The following NADK2 variants were observed in gnomAD, a reference collection of about 807,000 sequenced individuals.
The protein encoded by NADK2 is NAD kinase 2, mitochondrial.
Under a neutral mutation model 62.1 loss-of-function variants are expected in NADK2, and 35 were observed. That is an observed-to-expected ratio of 0.56 (90% CI 0.43 to 0.75). The LOEUF is 0.75. NADK2 is among the 30% of genes least tolerant of loss of function. The pLI is 0.00. For synonymous variants in NADK2, 205 were observed against 207.9 expected, an observed-to-expected ratio of 0.99 and a Z score of 0.12; for missense variants, 439 against 561.3, an observed-to-expected ratio of 0.78 and a Z score of 2.20.
At chr5:36,240,634 A>G (rs1748071541) in intron 1 of NADK2, among the ~76,000 whole-genome samples, 1 of 152,160 alleles carries the variant, frequency 6.6e-6, no homozygotes. Context: ...AACTGTTTTT[A>G]AAGTTGGTGG....
intron 4 of NADK2, among the ~76,000 whole-genome samples, chr5:36,222,881 TTCA>T (rs1156615493): frequency 6.6e-6 from 1 of 152,220 alleles, no homozygotes; most frequent in Non-Finnish European, 1.5e-5. Context: ...GATGATTTCA[TTCA>T]TCAAGAATGA....
intron 5 of NADK2, 56 bp from the exon 6 acceptor site, chr5:36,217,940 G>A: frequency 6.7e-7 from 1 of 1,489,714 alleles, no homozygotes; most frequent in Non-Finnish European, 9.2e-7. Flanking sequence ...TTAAAGAGTA[G>A]ACATTATAAT....
chr5:36,197,484 G>C, intron 11 of NADK2, 57 bp downstream of exon 11: 1 of 1,603,498 alleles, frequency 6.2e-7, no homozygotes, highest in Non-Finnish European at 8.5e-7. Flanking sequence ...AAACCAAGTG[G>C]GCTTTGTAAC....
chr5:36,195,998 C>T (rs1746218018), intron 11 of NADK2, among the ~76,000 whole-genome samples: 1 of 152,106 alleles, frequency 6.6e-6, no homozygotes, highest in African/African-American at 2.4e-5. Flanking sequence ...ATTTTTAATG[C>T]TGTATGAAAT....
chr5:36,230,687 G>C (rs2112181157), intron 1 of NADK2, among the ~76,000 whole-genome samples: 1 of 152,292 alleles, frequency 6.6e-6, no homozygotes, highest in East Asian at 1.9e-4. Context: ...CCAACCCTTA[G>C]AACTGAGGAG....
chr5:36,209,308 C>T (rs1184346702), intron 7 of NADK2, among the ~76,000 whole-genome samples: 1 of 152,096 alleles, frequency 6.6e-6, no homozygotes, highest in Admixed American at 6.6e-5. Context: ...AGAAATTTCA[C>T]TAACTCCCCC....
intron 1 of NADK2, among the ~76,000 whole-genome samples, chr5:36,235,583 T>C (rs1747874303): frequency 6.6e-6 from 1 of 152,172 alleles, no homozygotes; most frequent in Non-Finnish European, 1.5e-5. Flanking sequence ...TCTTCTGCTG[T>C]TAAAGCAGGA....
chr5:36,211,963 T>G (rs771117068), intron 6 of NADK2, 41 bp from the exon 7 acceptor site: 25 of 1,441,528 alleles, frequency 1.7e-5, no homozygotes, highest in Middle Eastern at 1.8e-4. Context: ...AGATAGCTCC[T>G]TGATTTCTAG....
At chr5:36,234,703 C>G (rs184976427) in intron 1 of NADK2, among the ~76,000 whole-genome samples, 1 of 152,244 alleles carries the variant, frequency 6.6e-6, no homozygotes, top group East Asian at 1.9e-4. Context: ...GCACATATGG[C>G]AGAATATTAA....
At position 36,241,836 on chromosome 5, in the gene NADK2, C is replaced by A. The variant is rs1274933141; in HGVS notation, c.-38G>T. The A allele has an allele frequency of 7.9e-7, 1 of 1,260,272 alleles. No homozygotes were observed. The highest frequency in any genetic ancestry group is 1.0e-6 in the Non-Finnish European group (1 of 1,003,690). The allele number at this position is 1,260,272 out of a possible 1,614,324, so 78.1% of individuals were successfully genotyped here. On this transcript the variant is annotated 5_prime_UTR_variant, in exon 1 of 12. Transcript: ENST00000381937. This position sits in a 1 kb window ranked among gnomAD's most constrained non-coding sequence, Gnocchi z 4.9. The stretch of plus-strand genomic sequence containing the variant: ...CGCGGCCGCGGGCTTGGGCTCGGGC[C>A]CCTTGCCTCAGCTCCCTACCGCCGG...
intron 1 of NADK2, among the ~76,000 whole-genome samples, chr5:36,231,908 A>C (rs1160699623): frequency 2.6e-5 from 4 of 151,988 alleles, no homozygotes; most frequent in Non-Finnish European, 4.4e-5. Context: ...TTTCCCCAAA[A>C]ACCTGTTAAT....
chr5:36,208,709 G>C (rs1746733447), intron 7 of NADK2: 5 of 1,497,626 alleles, frequency 3.3e-6, no homozygotes, highest in Non-Finnish European at 4.5e-6. Context: ...GAACAAATAG[G>C]AGAAAAGAAA....
At chr5:36,208,261 C>G (rs769164676) in intron 7 of NADK2, among the ~76,000 whole-genome samples, 6 of 151,952 alleles carry the variant, frequency 3.9e-5, no homozygotes, top group African/African-American at 1.4e-4. Context: ...GTCAGAATTT[C>G]TTATTAAAAA....
intron 6 of NADK2, among the ~76,000 whole-genome samples, chr5:36,216,668 C>G (rs1290106396): frequency 6.6e-6 from 1 of 151,922 alleles, no homozygotes; most frequent in African/African-American, 2.4e-5. Context: ...GAAATATTAA[C>G]TTCATTTATA....
At chr5:36,201,230 C>G in intron 8 of NADK2, 69 bp from the exon 9 acceptor site, 1 of 1,392,538 alleles carries the variant, frequency 7.2e-7, no homozygotes, top group Non-Finnish European at 1.0e-6. Context: ...AAAGGAATAA[C>G]CTACTTAAAA....
intron 8 of NADK2, among the ~76,000 whole-genome samples, chr5:36,202,229 C>T (rs1038128338): frequency 6.6e-6 from 1 of 152,054 alleles, no homozygotes; most frequent in African/African-American, 2.4e-5. Flanking sequence ...TCAGACATAA[C>T]CTCTACTACC....
chr5:36,236,575 A>T (rs1747915146), intron 1 of NADK2, among the ~76,000 whole-genome samples: 2 of 152,298 alleles, frequency 1.3e-5, no homozygotes, highest in South Asian at 2.1e-4. Flanking sequence ...AAGGCCCTGG[A>T]CTAGAAGGAA....
At chr5:36,228,194 T>C (rs1747555989) in intron 1 of NADK2, among the ~76,000 whole-genome samples, 1 of 152,184 alleles carries the variant, frequency 6.6e-6, no homozygotes, top group African/African-American at 2.4e-5. Context: ...TTATTTTTCC[T>C]AGTTGGAGTA....
At position 36,235,866 on chromosome 5, in the gene NADK2, T is replaced by A. The variant is rs1747886090; in HGVS notation, c.300+5633A>T. On this transcript the variant is annotated intron_variant, in intron 1 of 11. Transcript: ENST00000381937. Reference sequence around the variant, plus strand: ...TCTATTTTCCTGCATAATCCATATCTAGTGGTTTATTATGAAGAAAATATA... The same window carrying A: ...TCTATTTTCCTGCATAATCCATATCAAGTGGTTTATTATGAAGAAAATATA... Among the ~76,000 whole-genome samples, 3 of 140,530 alleles carry A rather than the reference T, an allele frequency of 2.1e-5. No homozygotes were observed. In the South Asian group the frequency reaches 7.1e-4, roughly 33 times the overall value. The allele number at this position is 140,530 out of a possible 152,430, so 92.2% of individuals were successfully genotyped here. A position where few individuals can be genotyped will look rare whatever the true frequency, so the allele number is the denominator to read the frequency against.
Sources: gnomAD v4.1 joint callset for allele counts (sites outside exome capture counted in the v4.1 genomes callset) on GRCh38, gnomAD v4.1.1 for gene constraint, Gnocchi (gnomAD v3.1) non-coding constraint, MANE v1.5 for transcripts, NCBI Gene and HGNC (gene_info 2026-07-23, HGNC 2026-07-21) for gene names.